USP6NL: variants seen among roughly 807,000 people sequenced by gnomAD.
USP6NL encodes USP6 N-terminal-like protein.
Under a neutral mutation model 61.9 loss-of-function variants are expected in USP6NL, and 26 were observed. That is an observed-to-expected ratio of 0.42 (90% confidence interval 0.31 to 0.58). USP6NL has a LOEUF of 0.58. Ranked by LOEUF, USP6NL falls within the 20% of genes least tolerant of loss-of-function variation. USP6NL has a pLI of 0.16. For missense variants in USP6NL, 1,114 were observed against 1,034.3 expected (o/e 1.08, Z -1.06); for synonymous variants, 432 against 390.1 (o/e 1.11, Z -1.27).
In USP6NL at chr10:11,532,771, T is replaced by C. The variant is rs1835708739; in HGVS notation, c.5-5204A>G. On this transcript the variant is annotated intron_variant, in intron 2 of 14. Coordinates refer to ENST00000609104, the MANE Select transcript of USP6NL (RefSeq NM_014688.5). This position sits in a 1 kb window ranked among gnomAD's most constrained non-coding sequence, Gnocchi z 4.1. ...TAATTTTTAATAATAATTCTTAATG[T>C]GAAAATTGTAGCCTCTGTTTCAGCC... 6.6e-6 allele frequency among the ~76,000 whole-genome samples: 1 copy of C among 152,236 alleles called. No individual in the cohort carries two copies. Among genetic ancestry groups the C allele is most frequent in the Non-Finnish European group, 1.5e-5 (1 of 68,046 alleles).
intron 4 of USP6NL, among the ~76,000 whole-genome samples, chr10:11,523,193 T>C (rs1300698383): frequency 1.3e-5 from 2 of 152,202 alleles, no homozygotes; most frequent in African/African-American, 4.8e-5. Flanking sequence ...GATTGCCAAA[T>C]ACAGACTAGG....
At chr10:11,529,616 CAATAAAATAAA>C (rs1340359126) in intron 2 of USP6NL, among the ~76,000 whole-genome samples, 4 of 152,200 alleles carry the variant, frequency 2.6e-5, no homozygotes, top group African/African-American at 9.6e-5. Flanking sequence ...CAGAATGATT[CAATAAAATAAA>C]AATACAGATG....
chr10:11,577,290 T>C (rs2133591947), intron 2 of USP6NL, among the ~76,000 whole-genome samples: 1 of 152,236 alleles, frequency 6.6e-6, no homozygotes, highest in African/African-American at 2.4e-5. Flanking sequence ...GGTCTCGATC[T>C]CCTGACCTCG....
rs1588432325 is a variant in USP6NL at position 11,611,564 on chromosome 10, C to A, written c.-205G>T. ...GGCGGCTACCGCAGTGCCCTCCGCC[C>A]CATTGTTTCCCTTCCAAGAGGATCC... On this transcript the variant is annotated 5_prime_UTR_variant, in exon 1 of 15. Coordinates refer to ENST00000609104, the MANE Select transcript of USP6NL (RefSeq NM_014688.5). The surrounding 1 kb of genome is among the most constrained non-coding windows in gnomAD (Gnocchi z 5.3). The A allele has an allele frequency of 6.5e-6, 1 of 154,940 alleles. No individual in the cohort carries two copies. The highest frequency in any genetic ancestry group is 1.8e-4 in the South Asian group (1 of 5,684). The allele number at this position is 154,940 out of a possible 1,614,324, so 9.6% of individuals were successfully genotyped here.
intron 1 of USP6NL, among the ~76,000 whole-genome samples, chr10:11,609,776 T>C (rs963909668): frequency 6.6e-6 from 1 of 152,140 alleles, no homozygotes; most frequent in Non-Finnish European, 1.5e-5. Context: ...CTGGGGTGAG[T>C]AGTTCTCTTG....
intron 2 of USP6NL, among the ~76,000 whole-genome samples, chr10:11,539,577 C>T (rs1234672720): frequency 3.3e-5 from 5 of 152,260 alleles, no homozygotes; most frequent in African/African-American, 1.2e-4. Context: ...TGCAATCCCA[C>T]ATTTGGGGAC....
chr10:11,498,660 G>C (rs1834048259), intron 7 of USP6NL, among the ~76,000 whole-genome samples: 1 of 152,010 alleles, frequency 6.6e-6, no homozygotes, highest in Non-Finnish European at 1.5e-5. Flanking sequence ...GGTAAAGTAG[G>C]TACTTTATTT....
At chr10:11,573,096 TA>T (rs982211934) in intron 2 of USP6NL, among the ~76,000 whole-genome samples, 18 of 152,222 alleles carry the variant, frequency 1.2e-4, no homozygotes, top group African/African-American at 4.1e-4. Flanking sequence ...AATTATTCAC[TA>T]AAAAAGGCAA....
chr10:11,500,428 CA>C (rs749922386), intron 7 of USP6NL, among the ~76,000 whole-genome samples: 66 of 151,644 alleles, frequency 4.4e-4, no homozygotes, highest in Admixed American at 8.5e-4. Flanking sequence ...GAACATATTT[CA>C]AAATCTATGG....
chr10:11,534,694 T>C (rs1835771184), intron 2 of USP6NL, among the ~76,000 whole-genome samples: 2 of 152,224 alleles, frequency 1.3e-5, no homozygotes, highest in South Asian at 2.1e-4. Flanking sequence ...CTTGATGGTA[T>C]ATGAGAAAAG....
rs77706970 is a variant in USP6NL at position 11,493,263 on chromosome 10, A to G, written c.385-35T>C. 1.3e-5 allele frequency: 20 copies of G among 1,540,602 alleles called. No individual in the cohort carries two copies. The East Asian group carries it at 4.6e-4, about 36-fold the overall frequency. On this transcript the variant is annotated intron_variant, in intron 7 of 14. Coordinates refer to ENST00000609104, the MANE Select transcript of USP6NL (RefSeq NM_014688.5). ...GAAAGAGAGAACAGAACAGATTTTTATGGAAATTAGTTGTTGAAAACTCTA... is the reference window on the plus strand; with the variant it reads ...GAAAGAGAGAACAGAACAGATTTTTGTGGAAATTAGTTGTTGAAAACTCTA...
At chr10:11,517,675 G>C (rs192735147) in intron 5 of USP6NL, among the ~76,000 whole-genome samples, 1 of 152,222 alleles carries the variant, frequency 6.6e-6, no homozygotes, top group East Asian at 1.9e-4. Flanking sequence ...TACATAAAAT[G>C]GCAATTTCAT....
intron 4 of USP6NL, among the ~76,000 whole-genome samples, chr10:11,521,448 T>C (rs1264716927): frequency 1.3e-5 from 2 of 151,292 alleles, no homozygotes; most frequent in African/African-American, 2.4e-5. Flanking sequence ...CGGTGCGATC[T>C]CCGCTCACCG....
chr10:11,523,415 T>C (rs1436091545), intron 4 of USP6NL, among the ~76,000 whole-genome samples: 6 of 152,262 alleles, frequency 3.9e-5, no homozygotes, highest in Non-Finnish European at 8.8e-5. Flanking sequence ...ATTCATTATT[T>C]TACAATTTCA....
intron 2 of USP6NL, among the ~76,000 whole-genome samples, chr10:11,535,515 G>C (rs1465413914): frequency 1.3e-5 from 2 of 152,194 alleles, no homozygotes; most frequent in African/African-American, 2.4e-5. Context: ...GGGAAAAGTA[G>C]CTGGTACAGA....
intron 1 of USP6NL, among the ~76,000 whole-genome samples, chr10:11,608,190 T>C (rs1838768507): frequency 6.6e-6 from 1 of 152,242 alleles, no homozygotes; most frequent in Non-Finnish European, 1.5e-5. Flanking sequence ...GAATATTTTA[T>C]TTAACATTTA....
chr10:11,461,399 C>A lies in USP6NL; in HGVS notation c.*1042G>T, dbSNP rs76596002. ...GACAATGTAATGGCCTGATGAGGTG[C>A]AGCAATATCCGTCGACTACATTCCA... On this transcript the variant is annotated 3_prime_UTR_variant, in exon 15 of 15. Transcript: ENST00000609104. 1.9e-4 allele frequency: 29 copies of A among 152,254 alleles called. 1 individual carries two copies. In the East Asian group the frequency reaches 4.6e-3, roughly 24 times the overall value. 9.4% of individuals were successfully genotyped at this position (152,254 alleles called of 1,614,324 possible).
At chr10:11,469,373 T>C (rs1187969724) in intron 14 of USP6NL, among the ~76,000 whole-genome samples, 1 of 152,212 alleles carries the variant, frequency 6.6e-6, no homozygotes, top group African/African-American at 2.4e-5. Flanking sequence ...ACTGTCCATA[T>C]ACACAGGCAG....
chr10:11,573,017 GAC>G (rs778851508), intron 2 of USP6NL, among the ~76,000 whole-genome samples: 1 of 150,172 alleles, frequency 6.7e-6, no homozygotes, highest in African/African-American at 2.4e-5. Flanking sequence ...GCATATTCTA[GAC>G]ACACGCTATG....
Sources: gnomAD v4.1 joint callset for allele counts (sites outside exome capture counted in the v4.1 genomes callset) on GRCh38, gnomAD v4.1.1 for gene constraint, Gnocchi (gnomAD v3.1) non-coding constraint, MANE v1.5 for transcripts, NCBI Gene and HGNC (gene_info 2026-07-23, HGNC 2026-07-21) for gene names.